The following RNF212B variants were observed in gnomAD, a reference collection of about 807,000 sequenced individuals.
RNF212B encodes the protein E3 ubiquitin-protein ligase RNF212B.
In RNF212B, 52 loss-of-function variants were observed where a neutral mutation model predicts 55.5. The ratio of observed to expected loss-of-function variants is 0.94; its 90% CI spans 0.75 to 1.18. The LOEUF (loss-of-function observed/expected upper bound fraction) is 1.18, where lower values mean the gene tolerates loss of function less well. Among genes scored for constraint, RNF212B ranks in the 50% most tolerant of loss-of-function variants. RNF212B has a pLI of 0.00. For synonymous variants in RNF212B, 99 were observed against 121.4 expected, an observed-to-expected ratio of 0.82 and a Z score of 1.21; for missense variants, 289 against 350.4, an observed-to-expected ratio of 0.82 and a Z score of 1.40.
At chr14:23,203,382 T>C (rs1201165011) in intron 2 of RNF212B, among the ~76,000 whole-genome samples, 3 of 152,040 alleles carry the variant, frequency 2.0e-5, no homozygotes. Flanking sequence ...TATAAACATG[T>C]GCGTGCAAAT....
chr14:23,198,125 T>C (rs1447026973), intron 2 of RNF212B, among the ~76,000 whole-genome samples: 1 of 152,216 alleles, frequency 6.6e-6, no homozygotes, highest in African/African-American at 2.4e-5. Context: ...TCACAGGGGA[T>C]GCGATGGCCT....
At chr14:23,265,101 G>A (rs1164255650) in intron 11 of RNF212B, among the ~76,000 whole-genome samples, 3 of 152,162 alleles carry the variant, frequency 2.0e-5, no homozygotes, top group Admixed American at 6.5e-5. Flanking sequence ...GATTACAGGC[G>A]TGAGCCACTG....
At chr14:23,220,417 A>G (rs1227039848) in intron 2 of RNF212B, among the ~76,000 whole-genome samples, 1 of 152,080 alleles carries the variant, frequency 6.6e-6, no homozygotes, top group Non-Finnish European at 1.5e-5. Flanking sequence ...CTGTAGTTCC[A>G]GCTACTTGGG....
At chr14:23,254,172 C>A (rs1884614839) in intron 4 of RNF212B, among the ~76,000 whole-genome samples, 2 of 151,852 alleles carry the variant, frequency 1.3e-5, no homozygotes. Context: ...GTTGTCCCAG[C>A]TACTCGGGAG....
At chr14:23,211,225 AAAAG>A (rs1206384149) in intron 2 of RNF212B, among the ~76,000 whole-genome samples, 2 of 113,776 alleles carry the variant, frequency 1.8e-5, no homozygotes, top group Admixed American at 1.1e-4. Context: ...CTCAAAAAAA[AAAAG>A]AAAGAAAAAG....
intron 1 of RNF212B, 46 bp from the exon 2 acceptor site, chr14:23,240,299 T>C (rs1171327212): frequency 7.8e-7 from 1 of 1,282,764 alleles, no homozygotes; most frequent in South Asian, 1.3e-5. Context: ...GCTATAATTA[T>C]GTTATTCTCT....
chr14:23,198,448 G>A (rs1180678160), intron 2 of RNF212B, among the ~76,000 whole-genome samples: 1 of 152,088 alleles, frequency 6.6e-6, no homozygotes, highest in Admixed American at 6.6e-5. Flanking sequence ...GGGAGGCGGA[G>A]GAGGGTGGAT....
chr14:23,250,737 G>T (rs555142922), intron 4 of RNF212B, among the ~76,000 whole-genome samples: 1 of 152,262 alleles, frequency 6.6e-6, no homozygotes, highest in East Asian at 1.9e-4. Flanking sequence ...GCCCAAGGTG[G>T]TCAGAGTACA....
intron 1 of RNF212B, among the ~76,000 whole-genome samples, chr14:23,186,988 C>T (rs1268598542): frequency 6.6e-6 from 1 of 152,168 alleles, no homozygotes; most frequent in Admixed American, 6.5e-5. Context: ...CACCTTGATC[C>T]TAACACTTAT....
chr14:23,195,663 C>A (rs545752559), intron 2 of RNF212B, among the ~76,000 whole-genome samples: 1 of 152,310 alleles, frequency 6.6e-6, no homozygotes, highest in South Asian at 2.1e-4. Flanking sequence ...CCCGACAGCA[C>A]ATCCACCCTC....
intron 7 of RNF212B, 126 bp from the exon 8 acceptor site, chr14:23,262,539 G>C: frequency 1.3e-6 from 1 of 796,026 alleles, no homozygotes; most frequent in Non-Finnish European, 2.0e-6. Context: ...TAATACATGA[G>C]AGTAAGCAAT....
chr14:23,242,081 C>CAAAAAAAAAAAAAAAAAAAAAAAAAGAAA (rs1883619223), intron 2 of RNF212B, among the ~76,000 whole-genome samples: 1 of 36,646 alleles, frequency 2.7e-5, no homozygotes, highest in Non-Finnish European at 4.9e-5. Context: ...GACTCCGTCT[C>CAAAAAAAAAAAAAAAAAAAAAAAAAGAAA]AAAAAAAAAA....
chr14:23,199,010 G>C (rs1879018390), intron 2 of RNF212B, among the ~76,000 whole-genome samples: 1 of 152,178 alleles, frequency 6.6e-6, no homozygotes, highest in Non-Finnish European at 1.5e-5. Flanking sequence ...TGTCCACTGA[G>C]AGGGCCTAGA....
chr14:23,224,495 C>T (rs1021475535), intron 2 of RNF212B, among the ~76,000 whole-genome samples: 6 of 152,180 alleles, frequency 3.9e-5, no homozygotes, highest in Non-Finnish European at 7.3e-5. Flanking sequence ...ACAACGTACA[C>T]TGGGGAAAAG....
chr14:23,224,738 C>T (rs1247575947), intron 2 of RNF212B, among the ~76,000 whole-genome samples: 3 of 152,078 alleles, frequency 2.0e-5, no homozygotes, highest in Non-Finnish European at 4.4e-5. Flanking sequence ...GCAACCAAAA[C>T]AAAAATGGAC....
At chr14:23,252,255 G>A (rs1396605931) in intron 4 of RNF212B, among the ~76,000 whole-genome samples, 1 of 151,884 alleles carries the variant, frequency 6.6e-6, no homozygotes, top group African/African-American at 2.4e-5. Context: ...AACAAAAGAT[G>A]CTCCTATCAC....
At chr14:23,256,749 C>T (rs1884861346) in intron 4 of RNF212B, among the ~76,000 whole-genome samples, 1 of 152,164 alleles carries the variant, frequency 6.6e-6, no homozygotes, top group Admixed American at 6.5e-5. Flanking sequence ...TGCAGAGGCA[C>T]GATCATGGGT....
At chr14:23,237,901 C>T (rs530778650), upstream of RNF212B, among the ~76,000 whole-genome samples, 1,788 of 152,282 alleles carry the variant, frequency 0.012, 19 homozygotes, top group Middle Eastern at 0.02. Context: ...CCAGGCCCCG[C>T]CCACACCTCT....
intron 8 of RNF212B, 54 bp downstream of exon 8, chr14:23,262,765 T>A (rs934025118): frequency 6.6e-7 from 1 of 1,510,880 alleles, no homozygotes. Flanking sequence ...CCTTTCCTTA[T>A]GTAGAAGATG....
Sources: allele counts gnomAD v4.1 joint callset (sites outside exome capture counted in the v4.1 genomes callset), GRCh38; gene constraint gnomAD v4.1.1; transcripts MANE v1.5; gene names NCBI Gene and HGNC (gene_info 2026-07-23, HGNC 2026-07-21).